The following MTCL1 variants were observed in gnomAD, a reference collection of about 807,000 sequenced individuals.
MTCL1 encodes microtubule cross-linking factor 1.
A neutral mutation model predicts 141.4 loss-of-function variants in MTCL1; 79 were observed. That is an observed-to-expected ratio of 0.56 (90% confidence interval 0.47 to 0.67). The LOEUF is 0.67. Among genes scored for constraint, MTCL1 ranks in the 30% least tolerant of loss-of-function variants. The pLI is 0.00. For synonymous variants in MTCL1, 914 were observed against 875.8 expected (o/e 1.04, Z -0.77); for missense variants, 2,177 against 2,113.9 (o/e 1.03, Z -0.59).
At chr18:8,723,356 G>A (rs114240415) in intron 4 of MTCL1, among the ~76,000 whole-genome samples, 1 of 152,296 alleles carries the variant, frequency 6.6e-6, no homozygotes, top group Non-Finnish European at 1.5e-5. Context: ...TTGCTCTGGG[G>A]TGAGGATAAT....
rs182415260 is a variant in MTCL1 at position 8,718,317 on chromosome 18, C to T, written c.-27-107C>T. 663 of 1,103,806 alleles carry T rather than the reference C, an allele frequency of 6.0e-4. 4 individuals are homozygous for T. The African/African-American group carries it at 9.2e-3, about 15-fold the overall frequency. The allele number at this position is 1,103,806 out of a possible 1,614,324, so 68.4% of individuals were successfully genotyped here. On this transcript the variant is annotated intron_variant, in intron 2 of 16. Coordinates refer to ENST00000359865, the Ensembl canonical transcript of MTCL1. Reference sequence around the variant, plus strand: ...GCGTGGCCATGAGGTGATGGGTAAGCGTGTAGGTATTCAATATTTAGTATT... The same window carrying T: ...GCGTGGCCATGAGGTGATGGGTAAGTGTGTAGGTATTCAATATTTAGTATT...
intron 4 of MTCL1, among the ~76,000 whole-genome samples, chr18:8,761,715 A>G (rs748126125): frequency 6.6e-6 from 1 of 152,238 alleles, no homozygotes; most frequent in African/African-American, 2.4e-5. Flanking sequence ...CACATCTTAC[A>G]TGGCGGCAGA....
exon 15 of MTCL1, chr18:8,824,915 G>T (rs759862772): frequency 2.7e-5 from 44 of 1,613,836 alleles, no homozygotes; most frequent in Non-Finnish European, 3.6e-5. Context: ...GGGCCGACAG[G>T]ACCGAGGTGG....
At chr18:8,794,281 G>A (rs534169862) in intron 8 of MTCL1, among the ~76,000 whole-genome samples, 1 of 152,224 alleles carries the variant, frequency 6.6e-6, no homozygotes, top group South Asian at 2.1e-4. Context: ...GGTTAATGAT[G>A]AAGGAGTATT....
intron 4 of MTCL1, among the ~76,000 whole-genome samples, chr18:8,740,467 T>G (rs1481013848): frequency 2.0e-5 from 3 of 152,152 alleles, no homozygotes; most frequent in African/African-American, 7.2e-5. Flanking sequence ...ATAACTCAAT[T>G]TTTTATTTTA....
chr18:8,774,273 TGTA>T lies in MTCL1; in HGVS notation c.358-3559_358-3557del, dbSNP rs1453757784. Among the ~76,000 whole-genome samples the T allele has an allele frequency of 2.0e-5, 3 of 152,084 alleles. No homozygotes were observed. The East Asian group carries it at 5.8e-4, about 30-fold the overall frequency. ...TTTCGAATGTGTGTGTGTGTGTGTG[TGTA>T]TTTTTTTTTAAGGAATTTGGTTAAA... On this transcript the variant is annotated intron_variant, in intron 4 of 16. Transcript: ENST00000359865.
chr18:8,831,450 T>C, intron 16 of MTCL1, 157 bp from the exon 15 acceptor site: 1 of 1,435,540 alleles, frequency 7.0e-7, no homozygotes, highest in Non-Finnish European at 9.1e-7. Context: ...TTATTTTAAG[T>C]TATTCTGCAT....
chr18:8,769,263 T>C (rs376278750), intron 4 of MTCL1, among the ~76,000 whole-genome samples: 5 of 152,198 alleles, frequency 3.3e-5, no homozygotes, highest in Admixed American at 1.3e-4. Flanking sequence ...ATGGTATTGC[T>C]AAGTGCCAGC....
upstream of MTCL1, among the ~76,000 whole-genome samples, chr18:8,713,359 A>G (rs913238899): frequency 2.0e-5 from 3 of 152,242 alleles, no homozygotes; most frequent in Non-Finnish European, 2.9e-5. Flanking sequence ...TCCGTGTATA[A>G]AAAGACAACA....
At chr18:8,826,386 A>T (rs923780162) in intron 15 of MTCL1, among the ~76,000 whole-genome samples, 154 bp downstream of exon 14, 1 of 152,212 alleles carries the variant, frequency 6.6e-6, no homozygotes, top group African/African-American at 2.4e-5. Flanking sequence ...TTTATGGGAG[A>T]ATAGAATAGG....
chr18:8,744,522 T>C (rs2096324474), intron 4 of MTCL1, among the ~76,000 whole-genome samples: 1 of 152,168 alleles, frequency 6.6e-6, no homozygotes, highest in Non-Finnish European at 1.5e-5. Flanking sequence ...CTTCTCCTGG[T>C]TTTCATTTCT....
At chr18:8,783,629 C>G (rs2096540213) in exon 6 of MTCL1, 1 of 1,613,650 alleles carries the variant, frequency 6.2e-7, no homozygotes, top group East Asian at 2.2e-5. Context: ...GAAGGACGAG[C>G]TGGAGCAGGA....
intron 7 of MTCL1, 23 bp downstream of exon 6, chr18:8,786,114 C>CCCCCCCCCA: frequency 2.5e-5 from 35 of 1,387,384 alleles, no homozygotes; most frequent in Admixed American, 7.7e-5. Context: ...AAGCAATCCC[C>CCCCCCCCCA]CCCCCCCGCC....
intron 4 of MTCL1, among the ~76,000 whole-genome samples, chr18:8,728,562 A>G (rs954886394): frequency 6.6e-5 from 10 of 152,044 alleles, no homozygotes; most frequent in South Asian, 6.2e-4. Context: ...CTCAGCATTC[A>G]CCGTCAGTCT....
chr18:8,797,274 A>G (rs1234521233), intron 9 of MTCL1, among the ~76,000 whole-genome samples: 1 of 152,220 alleles, frequency 6.6e-6, no homozygotes, highest in Non-Finnish European at 1.5e-5. Context: ...CTGCCCACAC[A>G]GTTTTAAAAG....
At chr18:8,764,845 T>C (rs2096452141) in intron 4 of MTCL1, among the ~76,000 whole-genome samples, 3 of 152,252 alleles carry the variant, frequency 2.0e-5, no homozygotes, top group Admixed American at 2.0e-4. Context: ...CTTTGAATTT[T>C]CAAAGTTTTT....
chr18:8,741,977 A>T (rs1426551137), intron 4 of MTCL1, among the ~76,000 whole-genome samples: 1 of 151,412 alleles, frequency 6.6e-6, no homozygotes, highest in Non-Finnish European at 1.5e-5. Flanking sequence ...CTCCAAGAAA[A>T]CGCCTGCTTC....
exon 15 of MTCL1, chr18:8,825,983 A>G (rs1210917660): frequency 6.3e-7 from 1 of 1,598,656 alleles, no homozygotes; most frequent in Non-Finnish European, 8.5e-7. Flanking sequence ...ATTCCCGAGG[A>G]AGGTCGCCTA....
chr18:8,777,997 A>G (rs1244758320), intron 5 of MTCL1, 105 bp downstream of exon 4: 10 of 1,048,214 alleles, frequency 9.5e-6, no homozygotes, highest in Non-Finnish European at 1.4e-5. Context: ...ACATCCAAAG[A>G]AACATTACCT....
Sources: gnomAD v4.1 joint callset for allele counts (sites outside exome capture counted in the v4.1 genomes callset) on GRCh38, gnomAD v4.1.1 for gene constraint, MANE v1.5 for transcripts, NCBI Gene and HGNC (gene_info 2026-07-23, HGNC 2026-07-21) for gene names.